Variants in SRP54 observed in about 807,000 individuals in gnomAD.
SRP54 encodes signal recognition particle 54.
SRP54 carries 10 observed loss-of-function variants against 64.8 expected under a neutral mutation model. The ratio of observed to expected loss-of-function variants is 0.15; its 90% confidence interval spans 0.10 to 0.26. The LOEUF (loss-of-function observed/expected upper bound fraction) is 0.26, where lower values mean the gene tolerates loss of function less well. Among genes scored for constraint, SRP54 ranks in the 10% least tolerant of loss-of-function variants. SRP54 has a pLI of 1.00. For synonymous variants in SRP54, 193 were observed against 185.6 expected (o/e 1.04, Z -0.32); for missense variants, 325 against 613.7 (o/e 0.53, Z 4.97).
At chr14:34,997,808 T>C (rs542113148) in intron 2 of SRP54, among the ~76,000 whole-genome samples, 66 of 152,320 alleles carry the variant, frequency 4.3e-4, no homozygotes, top group African/African-American at 1.5e-3. Context: ...CATACAGGGC[T>C]TTTTCTAATA....
chr14:35,014,290 T>TTTTTTTTTTTTTGTTTTG (rs376712278), intron 10 of SRP54, among the ~76,000 whole-genome samples: 1 of 127,284 alleles, frequency 7.9e-6, no homozygotes, highest in Non-Finnish European at 1.7e-5. Flanking sequence ...TTTTTTTTTT[T>TTTTTTTTTTTTTGTTTTG]TTTTGAGACG....
chr14:34,992,735 A>G (rs1044013066), intron 1 of SRP54, among the ~76,000 whole-genome samples: 40 of 152,124 alleles, frequency 2.6e-4, no homozygotes, highest in African/African-American at 9.7e-4. Flanking sequence ...AGTCCCCACC[A>G]TTACACAGTA....
chr14:35,010,480 T>C (rs1365137807), intron 7 of SRP54, among the ~76,000 whole-genome samples: 4 of 151,608 alleles, frequency 2.6e-5, no homozygotes, highest in Admixed American at 1.3e-4. Flanking sequence ...AAAAAAGAAA[T>C]TGGAGGCCAG....
At chr14:35,003,474 G>C (rs540160815) in intron 4 of SRP54, among the ~76,000 whole-genome samples, 2 of 151,856 alleles carry the variant, frequency 1.3e-5, no homozygotes, top group Non-Finnish European at 2.9e-5. Context: ...TCCTGGGCTC[G>C]AGCGATCTTC....
At chr14:35,024,583 T>C (rs1350612387) in intron 14 of SRP54, among the ~76,000 whole-genome samples, 1 of 152,044 alleles carries the variant, frequency 6.6e-6, no homozygotes, top group East Asian at 1.9e-4. Flanking sequence ...TGAACAGTAG[T>C]TGCCCTTTTT....
At position 34,983,096 on chromosome 14, in the gene SRP54, G is replaced by A. The variant is rs799489; in HGVS notation, c.-153G>A. On this transcript the variant is annotated 5_prime_UTR_variant, in exon 1 of 16. Coordinates refer to ENST00000216774, the MANE Select transcript of SRP54 (RefSeq NM_003136.4). Reference sequence around the variant, plus strand: ...CTACTTTATCTAGTTCGGGAAGTTGGGTTGTGGGGTCATACCTGTCTGTCT... The same window carrying A: ...CTACTTTATCTAGTTCGGGAAGTTGAGTTGTGGGGTCATACCTGTCTGTCT... 23,623 of 152,338 alleles carry A rather than the reference G, an allele frequency of 0.16. 2,121 individuals are homozygous for A. The highest frequency in any genetic ancestry group is 0.21 in the Non-Finnish European group (14,175 of 68,052). The allele number at this position is 152,338 out of a possible 1,614,324, so 9.4% of individuals were successfully genotyped here. A position where few individuals can be genotyped will look rare whatever the true frequency, so the allele number is the denominator to read the frequency against.
intron 10 of SRP54, among the ~76,000 whole-genome samples, chr14:35,014,275 C>CTTTTTTTTTTTTTT (rs1269464538): frequency 9.8e-6 from 1 of 102,196 alleles, no homozygotes; most frequent in Admixed American, 1.0e-4. Context: ...TGCCACTTAA[C>CTTTTTTTTTTTTTT]TTTTTTTTTT....
chr14:34,991,633 G>C (rs1289576296), intron 1 of SRP54, among the ~76,000 whole-genome samples: 2 of 151,002 alleles, frequency 1.3e-5, no homozygotes, highest in African/African-American at 4.9e-5. Flanking sequence ...AGCAGAGGAA[G>C]AGCATGCTGG....
rs569960975 is a variant in SRP54 at position 34,986,671 on chromosome 14, A to G, written c.-34+3456A>G. ...GAGGCGGGTGGATCATGATGTCAGG[A>G]GTTCAAGACCAGCCTGGCCAAGATA... On this transcript the variant is annotated intron_variant, in intron 1 of 15. Transcript: ENST00000216774. 2.6e-3 allele frequency among the ~76,000 whole-genome samples: 403 copies of G among 152,172 alleles called. 4 individuals are homozygous for G. Among genetic ancestry groups the G allele is most frequent in the African/African-American group, 9.3e-3 (387 of 41,512 alleles).
chr14:35,022,496 A>G (rs2044550341), intron 13 of SRP54, among the ~76,000 whole-genome samples: 1 of 152,030 alleles, frequency 6.6e-6, no homozygotes, highest in Non-Finnish European at 1.5e-5. Context: ...AGCTGGGACT[A>G]CAGGCACATG....
intron 14 of SRP54, 41 bp from the exon 15 acceptor site, chr14:35,028,047 C>G: frequency 7.4e-7 from 1 of 1,348,318 alleles, no homozygotes; most frequent in Non-Finnish European, 1.0e-6. Flanking sequence ...GATTATATTA[C>G]CTCCTACGCT....
intron 8 of SRP54, 134 bp from the exon 9 acceptor site, chr14:35,013,212 C>T: frequency 1.2e-6 from 1 of 800,222 alleles, no homozygotes; most frequent in Admixed American, 2.8e-5. Flanking sequence ...GGCTCGGCCT[C>T]CCAAAGTGCT....
chr14:35,023,429 A>G (rs1194483405), intron 14 of SRP54, among the ~76,000 whole-genome samples: 1 of 152,032 alleles, frequency 6.6e-6, no homozygotes, highest in East Asian at 1.9e-4. Flanking sequence ...AACAGTTGCT[A>G]TAACTAAGTT....
intron 2 of SRP54, among the ~76,000 whole-genome samples, chr14:34,998,533 C>T (rs1170321008): frequency 1.3e-5 from 2 of 151,970 alleles, no homozygotes; most frequent in African/African-American, 2.4e-5. Context: ...AATATTAAGC[C>T]GGGTGTGGTA....
chr14:35,027,967 A>G, intron 14 of SRP54, 121 bp from the exon 15 acceptor site: 1 of 506,794 alleles, frequency 2.0e-6, no homozygotes, highest in Non-Finnish European at 3.5e-6. Context: ...TGTTAGAGTG[A>G]TAGGATTATG....
chr14:35,010,371 G>A (rs1334695274), intron 7 of SRP54, among the ~76,000 whole-genome samples: 4 of 151,980 alleles, frequency 2.6e-5, no homozygotes, highest in Non-Finnish European at 4.4e-5. Flanking sequence ...GCTTGAACCC[G>A]GGAGGCAGAG....
intron 14 of SRP54, among the ~76,000 whole-genome samples, chr14:35,026,070 A>AAG (rs2044616180): frequency 6.6e-6 from 1 of 151,972 alleles, no homozygotes; most frequent in Non-Finnish European, 1.5e-5. Context: ...AAAAAAAAAA[A>AAG]AAAATTGTTG....
At chr14:35,003,704 G>GAC (rs2044213810) in intron 4 of SRP54, among the ~76,000 whole-genome samples, 4 of 151,384 alleles carry the variant, frequency 2.6e-5, no homozygotes. Flanking sequence ...TAGTAGCTGG[G>GAC]ACTACTACTC....
At chr14:35,024,919 G>T (rs1386467265) in intron 14 of SRP54, among the ~76,000 whole-genome samples, 1 of 151,924 alleles carries the variant, frequency 6.6e-6, no homozygotes, top group Non-Finnish European at 1.5e-5. Context: ...TAGAGACTGG[G>T]TTTCACCATC....
Sources: allele counts gnomAD v4.1 joint callset (sites outside exome capture counted in the v4.1 genomes callset), GRCh38; gene constraint gnomAD v4.1.1; transcripts MANE v1.5; gene names NCBI Gene and HGNC (gene_info 2026-07-23, HGNC 2026-07-21).